The following ZNF469 variants were observed in gnomAD, a reference collection of about 807,000 sequenced individuals.
The protein encoded by ZNF469 is zinc finger protein 469.
Under a neutral mutation model 1.0 loss-of-function variants are expected in ZNF469, and 1 was observed. That is an observed-to-expected ratio of 1.00 (90% CI 0.35 to 4.73). The LOEUF (loss-of-function observed/expected upper bound fraction) is 4.73, where lower values mean the gene tolerates loss of function less well. Among genes scored for constraint, ZNF469 ranks in the 30% most tolerant of loss-of-function variants. ZNF469 has a pLI of 0.16. For missense variants in ZNF469, 6,100 were observed against 5,356.3 expected, an observed-to-expected ratio of 1.14 and a Z score of -4.33; for synonymous variants, 2,703 against 2,363.4, an observed-to-expected ratio of 1.14 and a Z score of -4.17.
At chr16:88,271,338 G>A in the ZNF469 span, among the ~76,000 whole-genome samples, 14 of 133,166 alleles carry the variant, frequency 1.1e-4, 4 homozygotes, top group East Asian at 1.1e-3. Context: ...GGTTAGGGCC[G>A]GGGCCGGGGT....
At position 88,436,350 on chromosome 16, in the gene ZNF469, G is replaced by A. The variant is rs1194075441; in HGVS notation, c.8880G>A (p.Leu2960=). The change falls in exon 3 of 3, where the codon CTG becomes CTA. Residue 2960 remains leucine, a synonymous_variant. Transcript: ENST00000565624. ...ACCCCTGGGCCCCCGGCCTCAGCCT[G>A]TGGGCCCTGGAGCCCAGCAGGGAAG... ...GIDPWAPGLS[L]WALEPSREAG... is the part of the protein sequence containing the mutation. The A allele has an allele frequency of 5.2e-6, 8 of 1,549,762 alleles. No individual in the cohort carries two copies. The highest frequency in any genetic ancestry group is 6.1e-6 in the Non-Finnish European group (7 of 1,146,686).
At chr16:88,153,202 G>T in the ZNF469 span, among the ~76,000 whole-genome samples, 157 of 152,338 alleles carry the variant, frequency 1.0e-3, no homozygotes, top group African/African-American at 3.7e-3. Flanking sequence ...GGGAACCCAG[G>T]TGGGGGGCTG....
At chr16:88,381,375 C>G (rs991237928), upstream of ZNF469, among the ~76,000 whole-genome samples, 1 of 146,088 alleles carries the variant, frequency 6.8e-6, no homozygotes, top group Non-Finnish European at 1.5e-5. Flanking sequence ...CACTCACACA[C>G]AGAGACATGC....
At chr16:88,149,628 C>A in the ZNF469 span, among the ~76,000 whole-genome samples, 1 of 152,174 alleles carries the variant, frequency 6.6e-6, no homozygotes, top group African/African-American at 2.4e-5. Flanking sequence ...CATGGTCTCA[C>A]CACTGAAGAA....
chr16:88,117,295 C>T, the ZNF469 span, among the ~76,000 whole-genome samples: 3 of 151,780 alleles, frequency 2.0e-5, no homozygotes, highest in Middle Eastern at 3.2e-3. Flanking sequence ...GCTGGGGATG[C>T]GTGAGAGCCA....
At chr16:88,353,519 G>A in the ZNF469 span, among the ~76,000 whole-genome samples, 164 of 152,244 alleles carry the variant, frequency 1.1e-3, no homozygotes, top group African/African-American at 3.6e-3. Context: ...TGCGCACAAC[G>A]CCCTCCGCCA....
the ZNF469 span, among the ~76,000 whole-genome samples, chr16:88,189,921 A>G: frequency 6.6e-6 from 1 of 152,216 alleles, no homozygotes; most frequent in Admixed American, 6.5e-5. This position sits in a 1 kb window ranked among gnomAD's most constrained non-coding sequence, Gnocchi z 4.3. Flanking sequence ...TGTGTCGGAA[A>G]GAAAAGAAAA....
chr16:88,181,827 A>C, the ZNF469 span, among the ~76,000 whole-genome samples: 2 of 152,248 alleles, frequency 1.3e-5, no homozygotes, highest in Non-Finnish European at 1.5e-5. Context: ...GACTGGAAAC[A>C]AAGTCAGAAT....
At chr16:88,246,642 C>T in the ZNF469 span, among the ~76,000 whole-genome samples, 1 of 152,250 alleles carries the variant, frequency 6.6e-6, no homozygotes, top group Non-Finnish European at 1.5e-5. Flanking sequence ...ACATTTTCAA[C>T]AAGTTTTAGT....
chr16:88,351,285 C>A, the ZNF469 span, among the ~76,000 whole-genome samples: 1 of 152,160 alleles, frequency 6.6e-6, no homozygotes, highest in Admixed American at 6.5e-5. Flanking sequence ...TGTGGGTCTC[C>A]GTTTCCCCAG....
the ZNF469 span, among the ~76,000 whole-genome samples, chr16:88,377,236 G>A: frequency 4.3e-4 from 65 of 152,370 alleles, 1 homozygote; most frequent in African/African-American, 1.5e-3. Flanking sequence ...GGGTGGTGCA[G>A]GGCAGGGGGA....
chr16:88,375,205 C>G, the ZNF469 span, among the ~76,000 whole-genome samples: 1 of 152,200 alleles, frequency 6.6e-6, no homozygotes, highest in Non-Finnish European at 1.5e-5. Flanking sequence ...GAAAAGATTC[C>G]AAGAGCAGCC....
the ZNF469 span, among the ~76,000 whole-genome samples, chr16:88,154,852 C>A: frequency 6.6e-6 from 1 of 152,184 alleles, no homozygotes; most frequent in Non-Finnish European, 1.5e-5. Context: ...GGTCTTCTCG[C>A]TCCAGATCAT....
chr16:88,404,348 G>C (rs187594956), intron 1 of ZNF469, among the ~76,000 whole-genome samples: 1 of 152,210 alleles, frequency 6.6e-6, no homozygotes, highest in Admixed American at 6.5e-5. Context: ...TGAGAGGCCC[G>C]GCAGACTGGC....
the ZNF469 span, among the ~76,000 whole-genome samples, chr16:88,271,337 C>T: frequency 7.1e-3 from 947 of 132,638 alleles, 97 homozygotes; most frequent in African/African-American, 0.019. Flanking sequence ...GGGTTAGGGC[C>T]GGGGCCGGGG....
At position 88,429,295 on chromosome 16, in the gene ZNF469, T is replaced by C. The variant is rs992062598; in HGVS notation, c.1825T>C (p.Ser609Pro). ...GGCCGGCAGCACCTGCTCTTCCCTG[T>C]CGCCGATGTCCAGCAGCCCAGCCAA... Reference protein sequence around the residue: ...NTAGSTCSSLSPMSSSPANPS... With the variant: ...NTAGSTCSSLPPMSSSPANPS... Residue 609 changes from serine (S) to proline (P), a missense_variant, in exon 3 of 3, where the codon TCG becomes CCG. By Grantham distance (74) the Ser-to-Pro change is moderately conservative. Transcript: ENST00000565624. 1 of 1,549,722 alleles carries C rather than the reference T, an allele frequency of 6.5e-7. No homozygotes were observed. The highest frequency in any genetic ancestry group is 8.7e-7 in the Non-Finnish European group (1 of 1,146,834).
chr16:88,190,088 T>A, the ZNF469 span, among the ~76,000 whole-genome samples: 1 of 136,308 alleles, frequency 7.3e-6, no homozygotes, highest in Non-Finnish European at 1.5e-5. Flanking sequence ...GCAAAATGGG[T>A]ACCCATACAT....
At chr16:88,200,088 G>A in the ZNF469 span, among the ~76,000 whole-genome samples, 1 of 151,826 alleles carries the variant, frequency 6.6e-6, no homozygotes, top group Non-Finnish European at 1.5e-5. Flanking sequence ...TGCCCCGGGG[G>A]GAGGATGACA....
At chr16:88,193,051 A>G in the ZNF469 span, among the ~76,000 whole-genome samples, 507 of 30,644 alleles carry the variant, frequency 0.017, no homozygotes, top group African/African-American at 0.021. Flanking sequence ...GGTGGTGATG[A>G]TGGTGATGGT....
Sources: gnomAD v4.1 joint callset for allele counts (sites outside exome capture counted in the v4.1 genomes callset) on GRCh38, gnomAD v4.1.1 for gene constraint, Gnocchi (gnomAD v3.1) non-coding constraint, MANE v1.5 for transcripts, NCBI Gene and HGNC (gene_info 2026-07-23, HGNC 2026-07-21) for gene names.